SAP30BP: variants seen among roughly 807,000 people sequenced by gnomAD.
SAP30BP encodes SAP30-binding protein.
In SAP30BP, 31 loss-of-function variants were observed where a neutral mutation model predicts 46.3. The ratio of observed to expected loss-of-function variants is 0.67; its 90% CI spans 0.50 to 0.90. SAP30BP has a LOEUF of 0.90. SAP30BP is among the 40% of genes least tolerant of loss of function. SAP30BP has a pLI of 0.00. For synonymous variants in SAP30BP, 169 were observed against 144.2 expected, an observed-to-expected ratio of 1.17 and a Z score of -1.23; for missense variants, 312 against 391.0, an observed-to-expected ratio of 0.80 and a Z score of 1.70.
At chr17:75,693,840 A>T (rs1053353234) in intron 4 of SAP30BP, among the ~76,000 whole-genome samples, 7 of 152,078 alleles carry the variant, frequency 4.6e-5, no homozygotes, top group Admixed American at 1.3e-4. Flanking sequence ...CCGCTGGCAT[A>T]TGCATGCTGC....
Position 75,704,869 on chromosome 17 carries a change from C to T in SAP30BP, c.660+55C>T, listed in dbSNP as rs574353337. 4.0e-5 allele frequency: 56 copies of T among 1,414,742 alleles called. No homozygotes were observed. In the South Asian group the frequency reaches 6.1e-4, roughly 15 times the overall value. The allele number at this position is 1,414,742 out of a possible 1,614,324, so 87.6% of individuals were successfully genotyped here. A position where few individuals can be genotyped will look rare whatever the true frequency, so the allele number is the denominator to read the frequency against. ...AAGGCACATGTGGAGTGCATGGGTC[C>T]TGCTGGCTGAGCCCAGAAGGTGTCC... On this transcript the variant is annotated intron_variant, in intron 9 of 10. Coordinates refer to ENST00000584667, the MANE Select transcript of SAP30BP (RefSeq NM_013260.8).
intron 3 of SAP30BP, among the ~76,000 whole-genome samples, chr17:75,689,101 C>T (rs1365307287): frequency 1.3e-5 from 2 of 151,926 alleles, no homozygotes; most frequent in African/African-American, 4.8e-5. Context: ...CCTCTTTCCT[C>T]CTTTCTGTTT....
intron 1 of SAP30BP, 105 bp from the exon 2 acceptor site, chr17:75,668,411 G>C: frequency 1.6e-6 from 1 of 644,552 alleles, no homozygotes; most frequent in Non-Finnish European, 2.6e-6. Flanking sequence ...TGTATCTTCA[G>C]AGATAGTCTT....
At chr17:75,696,192 A>C (rs945312516) in intron 4 of SAP30BP, among the ~76,000 whole-genome samples, 1 of 152,058 alleles carries the variant, frequency 6.6e-6, no homozygotes, top group African/African-American at 2.4e-5. Context: ...CTTCCAAGAG[A>C]CTGTGGACAC....
At chr17:75,701,288 T>C (rs2060406669) in intron 5 of SAP30BP, among the ~76,000 whole-genome samples, 1 of 152,214 alleles carries the variant, frequency 6.6e-6, no homozygotes, top group African/African-American at 2.4e-5. Context: ...AGGCTGCAGG[T>C]AGATCTTGCC....
Position 75,706,621 on chromosome 17 carries a change from CCCAGATG to C in SAP30BP, c.*104_*110del. 2 of 1,104,102 alleles carry C rather than the reference CCCAGATG, an allele frequency of 1.8e-6. No homozygotes were observed. Among genetic ancestry groups the C allele is most frequent in the Non-Finnish European group, 2.6e-6 (2 of 757,548 alleles). The allele number at this position is 1,104,102 out of a possible 1,614,324, so 68.4% of individuals were successfully genotyped here. On this transcript the variant is annotated 3_prime_UTR_variant, in exon 11 of 11. Transcript: ENST00000584667. This position sits in a 1 kb window ranked among gnomAD's most constrained non-coding sequence, Gnocchi z 4.6. ...TATATTTCAGGACTGGGACCTACTC[CCCAGATG>C]CCACCTGAGAGGAGCTTCTGTTTGG...
chr17:75,673,683 G>C (rs1568299385), intron 3 of SAP30BP, among the ~76,000 whole-genome samples: 1 of 152,036 alleles, frequency 6.6e-6, no homozygotes, highest in Non-Finnish European at 1.5e-5. Context: ...ACAGGGCTTT[G>C]TGAGTCAGGG....
At chr17:75,683,400 T>TA in intron 3 of SAP30BP, 1 of 152,220 alleles carries the variant, frequency 6.6e-6, no homozygotes, top group East Asian at 1.9e-4. Context: ...GAGATTTTTT[T>TA]AAAAACCCAT....
At chr17:75,692,517 G>T in intron 3 of SAP30BP, 1 of 985,424 alleles carries the variant, frequency 1.0e-6, no homozygotes, top group Non-Finnish European at 1.2e-6. Context: ...ACCCAGAAAT[G>T]GGGGAAACAG....
chr17:75,674,694 TTTG>T (rs2059959988), intron 3 of SAP30BP, among the ~76,000 whole-genome samples: 1 of 64,368 alleles, frequency 1.6e-5, no homozygotes, highest in South Asian at 5.8e-4. Context: ...TTGTTTGTTT[TTTG>T]TTTTTTTTTT....
At chr17:75,690,233 C>A (rs1207991677) in intron 3 of SAP30BP, among the ~76,000 whole-genome samples, 1 of 152,146 alleles carries the variant, frequency 6.6e-6, no homozygotes, top group Non-Finnish European at 1.5e-5. Flanking sequence ...ATACTAAATA[C>A]CTCCTATCTG....
chr17:75,687,914 T>TGGG (rs199659385), intron 3 of SAP30BP, among the ~76,000 whole-genome samples: 4 of 121,936 alleles, frequency 3.3e-5, no homozygotes, highest in South Asian at 5.4e-4. Context: ...TGACAGTGTT[T>TGGG]GGGGTGTGTG....
intron 3 of SAP30BP, among the ~76,000 whole-genome samples, chr17:75,687,714 T>C: frequency 6.6e-6 from 1 of 152,118 alleles, no homozygotes; most frequent in South Asian, 2.1e-4. Flanking sequence ...CCCCACCTTC[T>C]CCTGCCCCTT....
chr17:75,697,505 C>T (rs929980733), intron 4 of SAP30BP, among the ~76,000 whole-genome samples: 16 of 152,184 alleles, frequency 1.1e-4, no homozygotes, highest in African/African-American at 2.4e-4. Context: ...AGAAGCACCT[C>T]GTCTCCTGCT....
intron 5 of SAP30BP, among the ~76,000 whole-genome samples, chr17:75,701,739 G>T (rs991807315): frequency 2.0e-5 from 3 of 152,196 alleles, no homozygotes; most frequent in African/African-American, 7.2e-5. Flanking sequence ...TCACAGTTCT[G>T]CTGAGGACTT....
chr17:75,699,479 A>G (rs2060373047), intron 4 of SAP30BP, among the ~76,000 whole-genome samples: 1 of 150,686 alleles, frequency 6.6e-6, no homozygotes, highest in Non-Finnish European at 1.5e-5. Flanking sequence ...GGCGTGAGCC[A>G]CCGCACCCAG....
intron 4 of SAP30BP, among the ~76,000 whole-genome samples, chr17:75,699,439 A>G (rs1228665824): frequency 2.0e-5 from 3 of 150,606 alleles, no homozygotes; most frequent in African/African-American, 7.4e-5. Context: ...TGATCTGCCT[A>G]CCTTGGCTTC....
chr17:75,693,613 C>T, intron 4 of SAP30BP, 131 bp downstream of exon 4: 6 of 731,284 alleles, frequency 8.2e-6, no homozygotes, highest in Non-Finnish European at 1.3e-5. Flanking sequence ...TTGGCTCCCT[C>T]TCAGGGCTTT....
chr17:75,704,749 T>TATA lies in SAP30BP; in HGVS notation c.602-7_602-6insATA. ...CACCTTTGTAACAGCTTCTCTTGTC[T>TATA]TCATAGCCAAGGCCCAGAAAATTGA... is the stretch of plus-strand genomic sequence containing the variant. On this transcript the variant is annotated splice_polypyrimidine_tract_variant and splice_region_variant and intron_variant, in intron 8 of 10. Coordinates refer to ENST00000584667, the MANE Select transcript of SAP30BP (RefSeq NM_013260.8). 7 of 1,613,108 alleles carry TATA rather than the reference T, an allele frequency of 4.3e-6. No individual in the cohort carries two copies. The highest frequency in any genetic ancestry group is 5.9e-6 in the Non-Finnish European group (7 of 1,179,212).
Sources: gnomAD v4.1 joint callset for allele counts (sites outside exome capture counted in the v4.1 genomes callset) on GRCh38, gnomAD v4.1.1 for gene constraint, Gnocchi (gnomAD v3.1) non-coding constraint, MANE v1.5 for transcripts, NCBI Gene and HGNC (gene_info 2026-07-23, HGNC 2026-07-21) for gene names.